PIK3C2A: variants seen among roughly 807,000 people sequenced by gnomAD.
The protein encoded by PIK3C2A is phosphatidylinositol 4-phosphate 3-kinase C2 domain-containing subunit alpha.
A neutral mutation model predicts 204.5 loss-of-function variants in PIK3C2A; 97 were observed. That is an observed-to-expected ratio of 0.47 (90% CI 0.40 to 0.56). PIK3C2A has a LOEUF of 0.56. Among genes scored for constraint, PIK3C2A ranks in the 20% least tolerant of loss-of-function variants. The pLI, the probability that PIK3C2A is intolerant of heterozygous loss-of-function variation, is 0.00. For missense variants in PIK3C2A, 1,735 were observed against 1,969.2 expected, an observed-to-expected ratio of 0.88 and a Z score of 2.25; for synonymous variants, 653 against 664.4, an observed-to-expected ratio of 0.98 and a Z score of 0.26.
At chr11:17,097,987 A>T (rs1329503587) in intron 26 of PIK3C2A, among the ~76,000 whole-genome samples, 1 of 152,202 alleles carries the variant, frequency 6.6e-6, no homozygotes, top group Non-Finnish European at 1.5e-5. Context: ...CAAACAGTAG[A>T]ACTGTAGAAT....
chr11:17,118,944 T>C (rs1353879802), intron 17 of PIK3C2A, among the ~76,000 whole-genome samples: 1 of 152,234 alleles, frequency 6.6e-6, no homozygotes, highest in East Asian at 1.9e-4. Flanking sequence ...ATTAGCTATG[T>C]TGAACTCACC....
chr11:17,096,000 TG>T (rs1219437068), intron 27 of PIK3C2A, among the ~76,000 whole-genome samples: 3 of 151,248 alleles, frequency 2.0e-5, no homozygotes, highest in Non-Finnish European at 2.9e-5. Flanking sequence ...AAAAGGTTTA[TG>T]GGGGGTAGTG....
Position 17,092,074 on chromosome 11 carries a change from A to G in PIK3C2A, c.4570-6T>C. On this transcript the variant is annotated splice_region_variant and splice_polypyrimidine_tract_variant and intron_variant, in intron 29 of 32. Transcript: ENST00000691414. Reference sequence around the variant, plus strand: ...AAAGTACAAACAAGATCACACTAAGAATAAAGAGAAAGCAATTCATTAGTT... The same window carrying G: ...AAAGTACAAACAAGATCACACTAAGGATAAAGAGAAAGCAATTCATTAGTT... The G allele has an allele frequency of 6.3e-7, 1 of 1,595,934 alleles. No homozygotes were observed. The highest frequency in any genetic ancestry group is 2.2e-5 in the East Asian group (1 of 44,746).
chr11:17,132,281 G>A (rs192034717), intron 11 of PIK3C2A, among the ~76,000 whole-genome samples: 1 of 150,782 alleles, frequency 6.6e-6, no homozygotes, highest in East Asian at 1.9e-4. Flanking sequence ...TTTAAAGCAT[G>A]GTCATAATAA....
chr11:17,171,006 G>A (rs1851137885), intron 1 of PIK3C2A, among the ~76,000 whole-genome samples: 1 of 152,140 alleles, frequency 6.6e-6, no homozygotes, highest in Admixed American at 6.5e-5. Flanking sequence ...AGGAGGCTGA[G>A]GCAGGAGAAT....
At chr11:17,148,629 A>C (rs1296757764) in intron 5 of PIK3C2A, 38 bp downstream of exon 5, 1 of 1,590,222 alleles carries the variant, frequency 6.3e-7, no homozygotes, top group Admixed American at 1.8e-5. Flanking sequence ...TAAAAATGAA[A>C]TTTCCAAGGA....
intron 8 of PIK3C2A, among the ~76,000 whole-genome samples, chr11:17,144,095 C>T (rs553086098): frequency 6.6e-6 from 1 of 152,234 alleles, no homozygotes; most frequent in African/African-American, 2.4e-5. Context: ...AATCACATAG[C>T]TATCTCCAAT....
At chr11:17,138,086 T>C in intron 8 of PIK3C2A, 1 of 699,864 alleles carries the variant, frequency 1.4e-6, no homozygotes. Flanking sequence ...TTAGCACACA[T>C]GGAATCACCA....
intron 24 of PIK3C2A, among the ~76,000 whole-genome samples, chr11:17,102,297 C>T (rs934651453): frequency 3.9e-5 from 6 of 151,954 alleles, no homozygotes; most frequent in East Asian, 1.9e-4. Flanking sequence ...ATTAGCCGGG[C>T]GTGGTGGCGG....
intron 24 of PIK3C2A, among the ~76,000 whole-genome samples, chr11:17,101,883 G>T (rs746443579): frequency 6.6e-6 from 1 of 151,960 alleles, no homozygotes; most frequent in South Asian, 2.1e-4. Context: ...GATTACAGGC[G>T]TGAGCCACTG....
chr11:17,153,296 A>G (rs1186718375), intron 3 of PIK3C2A, among the ~76,000 whole-genome samples: 2 of 152,114 alleles, frequency 1.3e-5, no homozygotes. Context: ...TTAGCTGAGC[A>G]TGGTGGCACA....
intron 30 of PIK3C2A, 134 bp from the exon 31 acceptor site, chr11:17,091,790 T>G: frequency 1.5e-6 from 1 of 670,218 alleles, no homozygotes; most frequent in South Asian, 1.9e-5. Context: ...GTAAACAACC[T>G]GATAGGTCAT....
At chr11:17,122,413 T>A in intron 14 of PIK3C2A, 80 bp from the exon 15 acceptor site, 1 of 866,468 alleles carries the variant, frequency 1.2e-6, no homozygotes, top group African/African-American at 1.7e-5. Context: ...AGAAAACAGA[T>A]TTTTCTTAGC....
intron 2 of PIK3C2A, among the ~76,000 whole-genome samples, chr11:17,162,848 T>A (rs968482495): frequency 2.0e-5 from 3 of 152,190 alleles, no homozygotes; most frequent in Non-Finnish European, 2.9e-5. Context: ...AGAGCAACCA[T>A]CATGAAATGT....
chr11:17,124,689 C>A (rs557056639), intron 13 of PIK3C2A, among the ~76,000 whole-genome samples: 12 of 152,144 alleles, frequency 7.9e-5, no homozygotes, highest in Non-Finnish European at 1.6e-4. Context: ...GTACTGTCTA[C>A]GACTGCTTTT....
intron 13 of PIK3C2A, among the ~76,000 whole-genome samples, chr11:17,124,600 C>A (rs967371667): frequency 1.3e-5 from 2 of 152,088 alleles, no homozygotes; most frequent in Non-Finnish European, 2.9e-5. Context: ...TTATTTATAG[C>A]CACATGTAAA....
At chr11:17,134,750 T>A in intron 11 of PIK3C2A, 69 bp downstream of exon 11, 1 of 1,123,510 alleles carries the variant, frequency 8.9e-7, no homozygotes, top group Admixed American at 1.7e-5. Context: ...ATCCTCCCAC[T>A]GTGGCCTCAC....
chr11:17,158,055 T>A (rs1489582041), intron 2 of PIK3C2A, among the ~76,000 whole-genome samples: 1 of 151,322 alleles, frequency 6.6e-6, no homozygotes, highest in African/African-American at 2.4e-5. Context: ...GTGTCAAAAA[T>A]CTATTAATTT....
intron 1 of PIK3C2A, among the ~76,000 whole-genome samples, chr11:17,205,533 C>T (rs1048008202): frequency 7.3e-5 from 8 of 110,068 alleles, no homozygotes; most frequent in Non-Finnish European, 1.4e-4. Flanking sequence ...AAACAAGTTA[C>T]AAAAAATGCT....
Sources: gnomAD v4.1 joint callset for allele counts (sites outside exome capture counted in the v4.1 genomes callset) on GRCh38, gnomAD v4.1.1 for gene constraint, MANE v1.5 for transcripts, NCBI Gene and HGNC (gene_info 2026-07-23, HGNC 2026-07-21) for gene names.